ALPK3: variants seen among roughly 807,000 people sequenced by gnomAD.
The protein encoded by ALPK3 is alpha kinase 3.
In ALPK3, 102 loss-of-function variants were observed where a neutral mutation model predicts 140.0. That is an observed-to-expected ratio of 0.73 (90% CI 0.62 to 0.86). The LOEUF (loss-of-function observed/expected upper bound fraction) is 0.86. ALPK3 is among the 40% of genes least tolerant of loss of function. The pLI is 0.00. For synonymous variants in ALPK3, 938 were observed against 898.5 expected (o/e 1.04, Z -0.79); for missense variants, 2,254 against 2,208.2 (o/e 1.02, Z -0.42).
chr15:84,840,505 A>G lies in ALPK3; in HGVS notation c.1226A>G (p.Gln409Arg), dbSNP rs765187060. 30 of 1,612,126 alleles carry G rather than the reference A, an allele frequency of 1.9e-5. No homozygotes were observed. In the African/African-American group the frequency reaches 3.9e-4, roughly 21 times the overall value. The change falls in exon 5 of 14, where the codon CAG becomes CGG. Residue 409 changes from glutamine to arginine, a missense_variant. Transcript: ENST00000258888. Reference sequence around the variant, plus strand: ...AAGGCCCCTGGCCCAGGCCCAGGCCAGGAAGTGTATTTCTCCTTGAAGGAC... The same window carrying G: ...AAGGCCCCTGGCCCAGGCCCAGGCCGGGAAGTGTATTTCTCCTTGAAGGAC... ...AQKAPGPGPG[Q>R]EVYFSLKDMY... is the part of the protein sequence containing the mutation.
intron 5 of ALPK3, among the ~76,000 whole-genome samples, chr15:84,845,311 C>G (rs1313152202): frequency 6.6e-6 from 1 of 152,160 alleles, no homozygotes; most frequent in African/African-American, 2.4e-5. Context: ...GTGCCTAAAA[C>G]TTTGAGAGAA....
chr15:84,855,250 G>A (rs949608481), intron 5 of ALPK3, among the ~76,000 whole-genome samples: 2 of 152,194 alleles, frequency 1.3e-5, no homozygotes, highest in Non-Finnish European at 2.9e-5. Flanking sequence ...TTTGTCTACA[G>A]TAGCCGTGAT....
At chr15:84,842,782 G>T (rs972326487) in intron 5 of ALPK3, among the ~76,000 whole-genome samples, 1 of 152,212 alleles carries the variant, frequency 6.6e-6, no homozygotes, top group Non-Finnish European at 1.5e-5. Flanking sequence ...TCTGGAACCT[G>T]TTCCTGACTC....
At position 84,817,400 on chromosome 15, in the gene ALPK3, G is replaced by A; in HGVS notation, c.-53G>A. The stretch of plus-strand genomic sequence containing the variant: ...AGGGGCCCGGGGGCCGGGGCCTGGA[G>A]GACAGGCGAGGCAGCGGCGAGTGCG... On this transcript the variant is annotated 5_prime_UTR_variant, in exon 1 of 14. Transcript: ENST00000258888. The A allele has an allele frequency of 1.6e-6, 2 of 1,230,088 alleles. No individual in the cohort carries two copies. Among genetic ancestry groups the A allele is most frequent in the East Asian group, 6.7e-5 (2 of 29,706 alleles). The allele number at this position is 1,230,088 out of a possible 1,614,324, so 76.2% of individuals were successfully genotyped here.
At position 84,868,768 on chromosome 15, in the gene ALPK3, C is replaced by T. The variant is rs1168724212; in HGVS notation, c.*312C>T. On this transcript the variant is annotated 3_prime_UTR_variant, in exon 14 of 14. Coordinates refer to ENST00000258888, the MANE Select transcript of ALPK3 (RefSeq NM_020778.5). ...TACACTTTGCCACTGCTGGAGGCTC[C>T]CCTGAGTCCTCTGCATGAGTTCTGC... 1 of 392,774 alleles carries T rather than the reference C, an allele frequency of 2.5e-6. No homozygotes were observed. Among genetic ancestry groups the T allele is most frequent in the Non-Finnish European group, 4.7e-6 (1 of 212,506 alleles). 24.3% of individuals were successfully genotyped at this position (392,774 alleles called of 1,614,324 possible).
intron 3 of ALPK3, among the ~76,000 whole-genome samples, chr15:84,830,679 G>A (rs914839035): frequency 1.3e-5 from 2 of 152,160 alleles, no homozygotes; most frequent in African/African-American, 4.8e-5. Flanking sequence ...GTCTGAAAAT[G>A]TTTTTGTTTG....
At chr15:84,818,571 G>A (rs1196362977) in intron 1 of ALPK3, among the ~76,000 whole-genome samples, 1 of 152,224 alleles carries the variant, frequency 6.6e-6, no homozygotes, top group Non-Finnish European at 1.5e-5. Context: ...ATTCCTCCAA[G>A]AGGCTGTCCA....
At chr15:84,846,405 T>C (rs541689332) in intron 5 of ALPK3, among the ~76,000 whole-genome samples, 1 of 152,222 alleles carries the variant, frequency 6.6e-6, no homozygotes. Context: ...CATCTGACTT[T>C]ACTATAAAAA....
chr15:84,868,309 G>A lies in ALPK3; in HGVS notation c.4971G>A (p.Gln1657=), dbSNP rs765802986. Residue 1657 remains glutamine, a synonymous_variant, in exon 14 of 14, where the codon CAG becomes CAA. Coordinates refer to ENST00000258888, the MANE Select transcript of ALPK3 (RefSeq NM_020778.5). ...RKGSQLSPQP[Q]KKGLPSPQGT... is the part of the protein sequence containing the mutation. ...GCTCCCAGCTGAGTCCTCAGCCCCAGAAGAAAGGCCTCCCTAGTCCTCAGG... is the reference window on the plus strand; with the variant it reads ...GCTCCCAGCTGAGTCCTCAGCCCCAAAAGAAAGGCCTCCCTAGTCCTCAGG... 6.2e-7 allele frequency: 1 copy of A among 1,614,130 alleles called. No individual in the cohort carries two copies. The highest frequency in any genetic ancestry group is 8.5e-7 in the Non-Finnish European group (1 of 1,179,984).
chr15:84,864,380 G>T (rs1173218585), intron 11 of ALPK3, 62 bp from the exon 12 acceptor site: 2 of 1,514,774 alleles, frequency 1.3e-6, no homozygotes, highest in Non-Finnish European at 1.8e-6. Flanking sequence ...ACAGAATTGG[G>T]TGGGAGGGAG....
rs976859324 is a variant in ALPK3 at position 84,858,656 on chromosome 15, C to T, written c.3817+101C>T. The T allele has an allele frequency of 2.8e-6, 4 of 1,430,840 alleles. No homozygotes were observed. In the African/African-American group the frequency reaches 5.7e-5, roughly 20 times the overall value. The allele number at this position is 1,430,840 out of a possible 1,614,324, so 88.6% of individuals were successfully genotyped here. ...CACTACCCCATGACAGATAGCATAT[C>T]CCTCCTCGGGATTCATAAATTACCT... On this transcript the variant is annotated intron_variant, in intron 6 of 13. Transcript: ENST00000258888.
chr15:84,822,760 T>A (rs1963441565), intron 1 of ALPK3, among the ~76,000 whole-genome samples: 1 of 152,174 alleles, frequency 6.6e-6, no homozygotes, highest in South Asian at 2.1e-4. Flanking sequence ...TGGAGCTGGG[T>A]GCCTCCCAGC....
chr15:84,867,275 C>G (rs1219380369), intron 12 of ALPK3, 42 bp from the exon 13 acceptor site: 1 of 1,609,616 alleles, frequency 6.2e-7, no homozygotes, highest in Non-Finnish European at 8.5e-7. Flanking sequence ...GGCTTAGAGC[C>G]AGCCCAGACT....
intron 5 of ALPK3, among the ~76,000 whole-genome samples, chr15:84,853,693 C>T (rs769559629): frequency 6.6e-6 from 1 of 151,814 alleles, no homozygotes; most frequent in Non-Finnish European, 1.5e-5. Flanking sequence ...CACTTGAGCC[C>T]AATAGGTTGA....
rs199926526 is a variant in ALPK3, at chr15:84,863,663, G to A, written c.4499+23G>A. ...TGAGTAAGTACGCAGCGAGGAGGAC[G>A]TGCAGTGTGCAGCACTGTTGCCTTG... is the stretch of plus-strand genomic sequence containing the variant. On this transcript the variant is annotated intron_variant, in intron 11 of 13. Transcript: ENST00000258888. 51 of 1,607,268 alleles carry A rather than the reference G, an allele frequency of 3.2e-5. No homozygotes were observed. In the African/African-American group the frequency reaches 5.3e-4, roughly 17 times the overall value.
chr15:84,846,484 G>C (rs1039268247), intron 5 of ALPK3, among the ~76,000 whole-genome samples: 7 of 152,158 alleles, frequency 4.6e-5, no homozygotes, highest in Non-Finnish European at 8.8e-5. Flanking sequence ...AGAGGTAAAA[G>C]ACTAGGCTGG....
rs1963654211 is a variant in ALPK3, at chr15:84,840,781, C to A, written c.1502C>A (p.Ser501Tyr). 6.2e-7 allele frequency: 1 copy of A among 1,614,254 alleles called. No individual in the cohort carries two copies. The highest frequency in any genetic ancestry group is 1.7e-5 in the Admixed American group (1 of 60,036). The change falls in exon 5 of 14, where the codon TCT becomes TAT. Residue 501 changes from serine to tyrosine, a missense_variant. Transcript: ENST00000258888. ...ACCACTGACAGCAAGCCCATTTCTT[C>A]TCTGAGTCAAGCTCCAGAATGCGGG... ...EATTDSKPIS[S>Y]LSQAPECGAQ...
At chr15:84,850,913 CA>C (rs1963796334) in intron 5 of ALPK3, among the ~76,000 whole-genome samples, 1 of 151,036 alleles carries the variant, frequency 6.6e-6, no homozygotes, top group African/African-American at 2.5e-5. Context: ...CACACACACA[CA>C]CCCTCTGTCA....
intron 5 of ALPK3, among the ~76,000 whole-genome samples, chr15:84,848,666 G>T (rs930334535): frequency 6.6e-6 from 1 of 152,186 alleles, no homozygotes; most frequent in African/African-American, 2.4e-5. Context: ...TTAAATGACA[G>T]ATTGTGAGAC....
Sources: gnomAD v4.1 joint callset for allele counts (sites outside exome capture counted in the v4.1 genomes callset) on GRCh38, gnomAD v4.1.1 for gene constraint, MANE v1.5 for transcripts, NCBI Gene and HGNC (gene_info 2026-07-23, HGNC 2026-07-21) for gene names.